Variants in RBM45 observed in about 807,000 individuals in gnomAD.
RBM45 encodes the protein RNA binding motif protein 45.
A neutral mutation model predicts 58.5 loss-of-function variants in RBM45; 39 were observed. That is an observed-to-expected ratio of 0.67 (90% CI 0.52 to 0.87). The LOEUF is 0.87. Among genes scored for constraint, RBM45 ranks in the 40% least tolerant of loss-of-function variants. The probability of loss-of-function intolerance (pLI) is 0.00; values close to 1 mark genes in which losing one functional copy is unlikely to be tolerated. For missense variants in RBM45, 481 were observed against 581.6 expected, an observed-to-expected ratio of 0.83 and a Z score of 1.78; for synonymous variants, 193 against 203.0, an observed-to-expected ratio of 0.95 and a Z score of 0.42.
chr2:178,118,975 G>A (rs985553174), intron 3 of RBM45, among the ~76,000 whole-genome samples: 5 of 152,136 alleles, frequency 3.3e-5, no homozygotes, highest in Non-Finnish European at 5.9e-5. Flanking sequence ...GCTAAGTAGA[G>A]GGATACAGAT....
At chr2:178,126,457 C>T (rs2087930729) in intron 9 of RBM45, among the ~76,000 whole-genome samples, 1 of 151,750 alleles carries the variant, frequency 6.6e-6, no homozygotes, top group Non-Finnish European at 1.5e-5. Flanking sequence ...TTATTATGTG[C>T]TTATATAAAC....
chr2:178,136,686 T>C (rs935489139), exon 4 of RBM45: 6 of 152,248 alleles, frequency 3.9e-5, no homozygotes, highest in African/African-American at 1.4e-4. Flanking sequence ...GGAATGTTCT[T>C]TTCAGCTTCT....
chr2:178,132,141 A>G (rs2088010823), downstream of RBM45, among the ~76,000 whole-genome samples: 1 of 152,224 alleles, frequency 6.6e-6, no homozygotes, highest in Non-Finnish European at 1.5e-5. Context: ...CATTTAAAAT[A>G]AGCCTGATTA....
intron 8 of RBM45, among the ~76,000 whole-genome samples, chr2:178,124,970 T>A (rs193202620): frequency 9.3e-4 from 141 of 152,306 alleles, no homozygotes; most frequent in Non-Finnish European, 1.7e-3. Context: ...TTATTTATTT[T>A]TGTGTTTTTA....
chr2:178,123,970 A>G (rs2087891924), intron 7 of RBM45, 58 bp downstream of exon 7: 1 of 1,533,332 alleles, frequency 6.5e-7, no homozygotes, highest in South Asian at 1.2e-5. Flanking sequence ...AATAAATGTG[A>G]AGAGAAATCA....
chr2:178,121,911 A>G (rs901770740), intron 5 of RBM45, among the ~76,000 whole-genome samples: 36 of 152,234 alleles, frequency 2.4e-4, no homozygotes, highest in Non-Finnish European at 2.9e-5. Flanking sequence ...TAATTGATTA[A>G]ACCCATTATC....
At chr2:178,114,462 A>C (rs2087744696) in intron 1 of RBM45, among the ~76,000 whole-genome samples, 1 of 152,232 alleles carries the variant, frequency 6.6e-6, no homozygotes, top group Non-Finnish European at 1.5e-5. Flanking sequence ...TTTTAGCCTC[A>C]GAGAAATTAA....
intron 1 of RBM45, 116 bp downstream of exon 1, chr2:178,112,962 A>C (rs2087724995): frequency 9.3e-7 from 1 of 1,071,032 alleles, no homozygotes; most frequent in African/African-American, 1.6e-5. Flanking sequence ...CCGGCAGCTG[A>C]CCAGACAGCA....
chr2:178,127,007 A>C (rs2087939189), intron 9 of RBM45, among the ~76,000 whole-genome samples: 1 of 151,340 alleles, frequency 6.6e-6, no homozygotes, highest in Admixed American at 6.6e-5. Context: ...CGAGATCTCG[A>C]TTCACTGCAA....
chr2:178,127,907 C>T (rs2087953801), intron 9 of RBM45, among the ~76,000 whole-genome samples: 1 of 149,588 alleles, frequency 6.7e-6, no homozygotes, highest in African/African-American at 2.5e-5. Flanking sequence ...GTGGTTGAAC[C>T]TTTTCTAATG....
intron 4 of RBM45, among the ~76,000 whole-genome samples, chr2:178,120,737 C>A (rs1302899725): frequency 1.3e-5 from 2 of 152,048 alleles, no homozygotes; most frequent in African/African-American, 4.8e-5. Flanking sequence ...ATGTAGAGAT[C>A]CTCTCCGTAT....
chr2:178,120,096 T>C (rs1302298744), intron 3 of RBM45, among the ~76,000 whole-genome samples, 191 bp from the exon 4 acceptor site: 1 of 152,328 alleles, frequency 6.6e-6, no homozygotes, highest in East Asian at 1.9e-4. Context: ...TAATTTGGGA[T>C]ACTTGCTGTT....
intron 3 of RBM45, 118 bp from the exon 4 acceptor site, chr2:178,120,169 G>T: frequency 7.7e-7 from 1 of 1,306,684 alleles, no homozygotes; most frequent in Non-Finnish European, 1.1e-6. Flanking sequence ...GATGGCCATT[G>T]TATAGATTTT....
intron 3 of RBM45, among the ~76,000 whole-genome samples, chr2:178,118,921 T>G (rs571639097): frequency 6.6e-6 from 1 of 152,322 alleles, no homozygotes; most frequent in East Asian, 1.9e-4. Flanking sequence ...AAATTTCTCA[T>G]TTAGCTAGCA....
Position 178,124,271 on chromosome 2 carries a change from G to A in RBM45, c.1213G>A (p.Val405Ile), listed in dbSNP as rs139199245. The change falls in exon 8 of 10, where the codon GTA (valine) becomes ATA (isoleucine). Residue 405 changes from valine to isoleucine, a missense_variant. Val to Ile is a conservative substitution (Grantham distance 29, BLOSUM62 3). Coordinates refer to ENST00000286070, the MANE Select transcript of RBM45 (RefSeq NM_152945.4). ...TAATCCTCATCCTTTACCTTTAGAC[G>A]TATTAGAAGATATATTCTGGTAAGA... The part of the protein sequence containing the change: ...VFNPHPLPLD[V>I]LEDIFCRFGN... The A allele has an allele frequency of 3.2e-5, 50 of 1,552,632 alleles. No individual in the cohort carries two copies. Among genetic ancestry groups the A allele is most frequent in the African/African-American group, 2.6e-4 (19 of 72,234 alleles).
intron 8 of RBM45, 93 bp from the exon 9 acceptor site, chr2:178,125,891 G>C: frequency 2.2e-6 from 2 of 889,326 alleles, no homozygotes; most frequent in Non-Finnish European, 3.7e-6. Flanking sequence ...TGGGGAGAAG[G>C]GTGAAAATGG....
chr2:178,126,481 G>A (rs558244167), intron 9 of RBM45, among the ~76,000 whole-genome samples: 129 of 150,078 alleles, frequency 8.6e-4, no homozygotes, highest in Middle Eastern at 3.4e-3. Flanking sequence ...TAAGTTGTCC[G>A]GTGCTAGAAT....
chr2:178,133,562 T>G (rs942354053), downstream of RBM45, among the ~76,000 whole-genome samples: 1 of 152,250 alleles, frequency 6.6e-6, no homozygotes, highest in Admixed American at 6.5e-5. Context: ...GCTTTTTTGA[T>G]GTACCCAAAA....
At chr2:178,119,423 G>C (rs563228294) in intron 3 of RBM45, among the ~76,000 whole-genome samples, 1 of 152,318 alleles carries the variant, frequency 6.6e-6, no homozygotes, top group East Asian at 1.9e-4. Flanking sequence ...TGTGAAGGCA[G>C]CTGTCTGAGT....
Sources: gnomAD v4.1 joint callset for allele counts (sites outside exome capture counted in the v4.1 genomes callset) on GRCh38, gnomAD v4.1.1 for gene constraint, MANE v1.5 for transcripts, NCBI Gene and HGNC (gene_info 2026-07-23, HGNC 2026-07-21) for gene names.